Variants in SDCCAG8 observed in about 807,000 individuals in gnomAD.
SDCCAG8 encodes SHH signaling and ciliogenesis regulator SDCCAG8.
Under a neutral mutation model 101.8 loss-of-function variants are expected in SDCCAG8, and 74 were observed. The ratio of observed to expected loss-of-function variants is 0.73; its 90% confidence interval spans 0.60 to 0.88. The LOEUF is 0.88. SDCCAG8 is among the 40% of genes least tolerant of loss of function. SDCCAG8 has a pLI of 0.00. For missense variants in SDCCAG8, 787 were observed against 822.6 expected, an observed-to-expected ratio of 0.96 and a Z score of 0.53; for synonymous variants, 281 against 292.9, an observed-to-expected ratio of 0.96 and a Z score of 0.41.
intron 13 of SDCCAG8, among the ~76,000 whole-genome samples, chr1:243,409,128 A>C (rs2079990657): frequency 6.6e-6 from 1 of 152,192 alleles, no homozygotes. Context: ...AGGCAAAACA[A>C]AACAAAACTA....
intron 13 of SDCCAG8, among the ~76,000 whole-genome samples, chr1:243,389,331 A>G (rs904487371): frequency 1.3e-5 from 2 of 152,200 alleles, no homozygotes; most frequent in Non-Finnish European, 2.9e-5. Context: ...CTTCACAACA[A>G]CAGGGTCTCT....
At chr1:243,288,243 G>A (rs1057175526) in intron 5 of SDCCAG8, among the ~76,000 whole-genome samples, 3 of 152,048 alleles carry the variant, frequency 2.0e-5, no homozygotes, top group Non-Finnish European at 2.9e-5. Flanking sequence ...TCACACGAAC[G>A]GATGGATCAC....
intron 17 of SDCCAG8, among the ~76,000 whole-genome samples, chr1:243,492,388 G>A (rs1471098085): frequency 8.2e-6 from 1 of 122,140 alleles, no homozygotes; most frequent in Admixed American, 1.1e-4. Context: ...TGCAACCTCC[G>A]CCTCCCGGCT....
At chr1:243,406,428 C>T (rs2079788917) in intron 13 of SDCCAG8, among the ~76,000 whole-genome samples, 1 of 152,124 alleles carries the variant, frequency 6.6e-6, no homozygotes, top group Non-Finnish European at 1.5e-5. Context: ...TGAGGCTGTT[C>T]AGTCTCAGTA....
intron 17 of SDCCAG8, among the ~76,000 whole-genome samples, chr1:243,495,166 T>C (rs764325436): frequency 1.1e-4 from 17 of 152,192 alleles, no homozygotes; most frequent in Non-Finnish European, 2.1e-4. Context: ...GGGTGCGCCC[T>C]GGGGAGGACA....
intron 11 of SDCCAG8, 92 bp downstream of exon 11, chr1:243,341,265 G>A (rs2075367138): frequency 6.9e-7 from 1 of 1,446,794 alleles, no homozygotes; most frequent in Admixed American, 1.8e-5. Flanking sequence ...ACTGTTATCA[G>A]GAGGAAGTTT....
intron 17 of SDCCAG8, among the ~76,000 whole-genome samples, chr1:243,495,764 C>T (rs1667694030): frequency 6.6e-6 from 1 of 152,172 alleles, no homozygotes; most frequent in South Asian, 2.1e-4. Flanking sequence ...GGGCACCTCT[C>T]TCCTCAGTGC....
intron 16 of SDCCAG8, among the ~76,000 whole-genome samples, chr1:243,468,897 G>A (rs977444242): frequency 1.3e-5 from 2 of 152,132 alleles, no homozygotes; most frequent in African/African-American, 4.8e-5. Flanking sequence ...AAAGTACTTC[G>A]TATATGCTCT....
chr1:243,448,967 A>G (rs1014433398), intron 16 of SDCCAG8, among the ~76,000 whole-genome samples: 2 of 152,232 alleles, frequency 1.3e-5, no homozygotes, highest in Non-Finnish European at 2.9e-5. Flanking sequence ...ACATTTAAAA[A>G]ATATTTTATA....
At chr1:243,493,926 G>A (rs1206065466) in intron 17 of SDCCAG8, among the ~76,000 whole-genome samples, 1 of 151,940 alleles carries the variant, frequency 6.6e-6, no homozygotes, top group Admixed American at 6.6e-5. Context: ...CTCTCAGGGA[G>A]CAAGACTCCC....
Position 243,479,813 on chromosome 1 carries a change from C to T in SDCCAG8, c.1986-9201C>T, listed in dbSNP as rs369532451. Among the ~76,000 whole-genome samples the T allele has an allele frequency of 2.6e-5, 4 of 152,154 alleles. No homozygotes were observed. In the South Asian group the frequency reaches 6.2e-4, roughly 24 times the overall value. On this transcript the variant is annotated intron_variant, in intron 16 of 17. Coordinates refer to ENST00000366541, the MANE Select transcript of SDCCAG8 (RefSeq NM_006642.5). ...TTGAAGCCACACAAAAATTATTCTC[C>T]AGAAGAACTCATTTCGTATGTGTGA...
chr1:243,323,504 T>C (rs564000367), intron 9 of SDCCAG8, among the ~76,000 whole-genome samples: 44 of 152,324 alleles, frequency 2.9e-4, no homozygotes, highest in African/African-American at 8.7e-4. Flanking sequence ...TTGCATCCTT[T>C]ATCCTTTTCT....
intron 16 of SDCCAG8, among the ~76,000 whole-genome samples, chr1:243,437,425 C>G (rs536542773): frequency 7.9e-5 from 12 of 151,918 alleles, no homozygotes; most frequent in Non-Finnish European, 1.6e-4. Context: ...CCAGGATGCT[C>G]TCTGTGTACA....
chr1:243,360,725 G>C (rs2147850886), intron 12 of SDCCAG8, among the ~76,000 whole-genome samples: 1 of 152,216 alleles, frequency 6.6e-6, no homozygotes, highest in African/African-American at 2.4e-5. Context: ...GGGAGGCTGA[G>C]GCAGGAGAAT....
At chr1:243,277,636 A>C (rs1442960312) in intron 4 of SDCCAG8, among the ~76,000 whole-genome samples, 1 of 152,154 alleles carries the variant, frequency 6.6e-6, no homozygotes, top group African/African-American at 2.4e-5. Flanking sequence ...AATGAGCAGA[A>C]ATTTTTAATT....
rs570317774 is a variant in SDCCAG8, at chr1:243,265,677, G to T, written c.68-4428G>T. 3.8e-3 allele frequency among the ~76,000 whole-genome samples: 585 copies of T among 152,234 alleles called. 6 individuals are homozygous for T. The highest frequency in any genetic ancestry group is 0.013 in the African/African-American group (537 of 41,546). ...AAAATACAAAAATTAGGTGGGTGTG[G>T]TGGCGCATGCCTGTAATCCCAGCTA... On this transcript the variant is annotated intron_variant, in intron 1 of 17. Transcript: ENST00000366541.
intron 16 of SDCCAG8, among the ~76,000 whole-genome samples, chr1:243,465,851 A>C (rs1260395930): frequency 6.6e-6 from 1 of 152,118 alleles, no homozygotes; most frequent in African/African-American, 2.4e-5. Context: ...CATCATGTTA[A>C]CTGTGTCCAG....
chr1:243,292,444 C>A (rs1010296517), intron 5 of SDCCAG8, among the ~76,000 whole-genome samples: 1 of 152,160 alleles, frequency 6.6e-6, no homozygotes, highest in African/African-American at 2.4e-5. Context: ...CCATGTCACT[C>A]AGGAAATTAC....
chr1:243,471,276 C>G (rs928707133), intron 16 of SDCCAG8, among the ~76,000 whole-genome samples: 1 of 152,184 alleles, frequency 6.6e-6, no homozygotes, highest in Non-Finnish European at 1.5e-5. Context: ...AATGGTCCTG[C>G]GAGCCCAGGA....
Sources: allele counts gnomAD v4.1 joint callset (sites outside exome capture counted in the v4.1 genomes callset), GRCh38; gene constraint gnomAD v4.1.1; transcripts MANE v1.5; gene names NCBI Gene and HGNC (gene_info 2026-07-23, HGNC 2026-07-21).